BICD1: variants seen among roughly 807,000 people sequenced by gnomAD.
BICD1 encodes protein bicaudal D homolog 1.
BICD1 carries 35 observed loss-of-function variants against 92.5 expected under a neutral mutation model. That is an observed-to-expected ratio of 0.38 (90% confidence interval 0.29 to 0.50). BICD1 has a LOEUF of 0.50. BICD1 is among the 20% of genes least tolerant of loss of function. The pLI, the probability that BICD1 is intolerant of heterozygous loss-of-function variation, is 0.93. For synonymous variants in BICD1, 429 were observed against 465.1 expected, an observed-to-expected ratio of 0.92 and a Z score of 1.00; for missense variants, 950 against 1,189.8, an observed-to-expected ratio of 0.80 and a Z score of 2.97.
At chr12:32,111,822 T>C (rs1053847921) in intron 1 of BICD1, among the ~76,000 whole-genome samples, 1 of 152,060 alleles carries the variant, frequency 6.6e-6, no homozygotes, top group Non-Finnish European at 1.5e-5. Flanking sequence ...TTAGCCAGGA[T>C]GGTCTCGATG....
intron 1 of BICD1, among the ~76,000 whole-genome samples, chr12:32,167,856 G>A (rs140908349): frequency 1.3e-5 from 2 of 152,290 alleles, no homozygotes; most frequent in African/African-American, 4.8e-5. Flanking sequence ...ACAGATTCTG[G>A]AGCCAGGCTT....
At chr12:32,351,487 C>CAAAAAAAA (rs35002678) in intron 8 of BICD1, among the ~76,000 whole-genome samples, 2 of 57,224 alleles carry the variant, frequency 3.5e-5, no homozygotes, top group East Asian at 5.5e-4. Context: ...GACTCTGTCT[C>CAAAAAAAA]AAAAAAAAAA....
At chr12:32,251,505 C>T (rs1278945353) in intron 2 of BICD1, among the ~76,000 whole-genome samples, 2 of 152,134 alleles carry the variant, frequency 1.3e-5, no homozygotes, top group Non-Finnish European at 2.9e-5. Context: ...TTTCCTTGCC[C>T]TTCTCACGTT....
intron 8 of BICD1, chr12:32,339,254 C>T (rs566830325): frequency 1.6e-4 from 177 of 1,138,578 alleles, no homozygotes; most frequent in South Asian, 3.5e-4. Flanking sequence ...ACAAGCACAA[C>T]GCACACACAC....
intron 1 of BICD1, among the ~76,000 whole-genome samples, chr12:32,122,710 A>G (rs1942200001): frequency 6.6e-6 from 1 of 152,226 alleles, no homozygotes; most frequent in African/African-American, 2.4e-5. Context: ...GGGTCTCAAA[A>G]CAACAATTAC....
intron 8 of BICD1, among the ~76,000 whole-genome samples, chr12:32,346,531 T>C (rs1487177430): frequency 2.8e-5 from 2 of 71,800 alleles, no homozygotes; most frequent in Non-Finnish European, 5.5e-5. Flanking sequence ...AATATATATA[T>C]ACGTGTATAT....
intron 1 of BICD1, among the ~76,000 whole-genome samples, chr12:32,130,041 A>C (rs1042203232): frequency 6.6e-6 from 1 of 152,216 alleles, no homozygotes; most frequent in Non-Finnish European, 1.5e-5. Context: ...AACATAATGC[A>C]ATAGGAAAAA....
intron 1 of BICD1, among the ~76,000 whole-genome samples, chr12:32,175,331 T>C (rs1944059712): frequency 6.6e-6 from 1 of 152,314 alleles, no homozygotes; most frequent in East Asian, 1.9e-4. Context: ...TTTCTTTTTC[T>C]TCTGAAATGG....
chr12:32,167,644 T>C (rs1943806022), intron 1 of BICD1, among the ~76,000 whole-genome samples: 1 of 152,124 alleles, frequency 6.6e-6, no homozygotes, highest in Non-Finnish European at 1.5e-5. Flanking sequence ...TTGGTTGAAA[T>C]GGGGCTTCAC....
chr12:32,133,636 TAA>T (rs918350283), intron 1 of BICD1, among the ~76,000 whole-genome samples: 1 of 152,204 alleles, frequency 6.6e-6, no homozygotes, highest in Non-Finnish European at 1.5e-5. Context: ...TGATGCATAT[TAA>T]GTGTGGAGCC....
intron 1 of BICD1, among the ~76,000 whole-genome samples, chr12:32,193,764 T>A (rs1944642839): frequency 6.6e-6 from 1 of 152,186 alleles, no homozygotes; most frequent in South Asian, 2.1e-4. Flanking sequence ...TTTGGTGAGT[T>A]CTACTATGCG....
intron 8 of BICD1, among the ~76,000 whole-genome samples, chr12:32,342,876 A>G (rs1369112009): frequency 3.3e-5 from 5 of 152,206 alleles, no homozygotes. Flanking sequence ...AGGGTGAGGC[A>G]CTGATTTTCA....
chr12:32,157,322 C>T lies in BICD1; in HGVS notation c.213+49778C>T, dbSNP rs7136063. ...TACTACCCTTTATTATAGATGCAGA[C>T]GTTAATGAAGAATCCAGTCCCATTT... is the stretch of plus-strand genomic sequence containing the variant. On this transcript the variant is annotated intron_variant, in intron 1 of 9. Coordinates refer to ENST00000652176, the MANE Select transcript of BICD1 (RefSeq NM_001714.4). Among the ~76,000 whole-genome samples, 435 of 152,192 alleles carry T rather than the reference C, an allele frequency of 2.9e-3. 2 individuals carry two copies. Among genetic ancestry groups the T allele is most frequent in the Middle Eastern group, 0.014 (4 of 294 alleles).
At chr12:32,347,864 G>A (rs1178554747) in intron 8 of BICD1, among the ~76,000 whole-genome samples, 2 of 152,118 alleles carry the variant, frequency 1.3e-5, no homozygotes, top group African/African-American at 4.8e-5. Flanking sequence ...CCTTAAAAAG[G>A]TTTAAAATGC....
chr12:32,308,426 CCTCGTTAGA>C (rs1227699013), intron 4 of BICD1, among the ~76,000 whole-genome samples: 1 of 152,202 alleles, frequency 6.6e-6, no homozygotes, highest in African/African-American at 2.4e-5. Context: ...ATAATACCTT[CCTCGTTAGA>C]GTGTCATGAA....
intron 8 of BICD1, among the ~76,000 whole-genome samples, chr12:32,347,045 A>C (rs890787312): frequency 6.7e-6 from 1 of 149,102 alleles, no homozygotes; most frequent in Non-Finnish European, 1.5e-5. Context: ...TCCGCCTCCC[A>C]GGTTCAAGCG....
intron 5 of BICD1, among the ~76,000 whole-genome samples, chr12:32,333,928 C>T (rs1180314090): frequency 6.6e-6 from 1 of 152,140 alleles, no homozygotes; most frequent in African/African-American, 2.4e-5. Context: ...ATTGTTTGGA[C>T]AAATTGTATG....
At chr12:32,258,169 G>A (rs1180078706) in intron 2 of BICD1, among the ~76,000 whole-genome samples, 1 of 152,108 alleles carries the variant, frequency 6.6e-6, no homozygotes, top group Non-Finnish European at 1.5e-5. Flanking sequence ...TTACTCCACA[G>A]CTTCACCAAC....
At chr12:32,188,790 C>A (rs188156014) in intron 1 of BICD1, among the ~76,000 whole-genome samples, 1 of 151,252 alleles carries the variant, frequency 6.6e-6, no homozygotes, top group Admixed American at 6.6e-5. Context: ...TGCAGTGGTG[C>A]AATCTTGGCT....
Sources: allele counts gnomAD v4.1 joint callset (sites outside exome capture counted in the v4.1 genomes callset), GRCh38; gene constraint gnomAD v4.1.1; transcripts MANE v1.5; gene names NCBI Gene and HGNC (gene_info 2026-07-23, HGNC 2026-07-21).